The following LGR4 variants were observed in gnomAD, a reference collection of about 807,000 sequenced individuals.
LGR4 encodes leucine rich repeat containing G protein-coupled receptor 4, also known as leucine-rich repeat-containing G protein-coupled receptor 4.
Under a neutral mutation model 84.8 loss-of-function variants are expected in LGR4, and 44 were observed. The ratio of observed to expected loss-of-function variants is 0.52; its 90% confidence interval spans 0.41 to 0.67. The LOEUF (loss-of-function observed/expected upper bound fraction) is 0.67. LGR4 is among the 30% of genes least tolerant of loss of function. The pLI, the probability that LGR4 is intolerant of heterozygous loss-of-function variation, is 0.00. For synonymous variants in LGR4, 429 were observed against 434.3 expected, an observed-to-expected ratio of 0.99 and a Z score of 0.15; for missense variants, 1,032 against 1,131.4, an observed-to-expected ratio of 0.91 and a Z score of 1.26.
At chr11:27,450,646 G>A (rs1864467191) in intron 1 of LGR4, among the ~76,000 whole-genome samples, 1 of 152,080 alleles carries the variant, frequency 6.6e-6, no homozygotes, top group African/African-American at 2.4e-5. Context: ...AAATTAGCTG[G>A]GGGTGGTGGC....
chr11:27,436,914 G>A (rs961200695), intron 1 of LGR4, among the ~76,000 whole-genome samples: 2 of 152,136 alleles, frequency 1.3e-5, no homozygotes, highest in East Asian at 3.9e-4. Context: ...ATAGGAGGGG[G>A]TGTTGAAGGG....
At chr11:27,369,847 A>T (rs1378895405) in intron 17 of LGR4, among the ~76,000 whole-genome samples, 1 of 152,206 alleles carries the variant, frequency 6.6e-6, no homozygotes, top group Non-Finnish European at 1.5e-5. Flanking sequence ...CCCATTTTTC[A>T]TCCAGAGAAA....
rs531242694 is a variant in LGR4 at position 27,464,804 on chromosome 11, C to A, written c.185+7314G>T. Among the ~76,000 whole-genome samples, 7 of 152,242 alleles carry A rather than the reference C, an allele frequency of 4.6e-5. No homozygotes were observed. In the South Asian group the frequency reaches 1.4e-3, roughly 32 times the overall value. ...TTTTTTCTGGATATCGGGTTCTACA[C>A]TCTGATTCAAATACCAAAAGTACTT... On this transcript the variant is annotated intron_variant, in intron 1 of 17. Transcript: ENST00000379214.
rs149638779 is a variant in LGR4 at position 27,398,049 on chromosome 11, A to G, written c.258-5531T>C. Among the ~76,000 whole-genome samples the G allele has an allele frequency of 7.3e-4, 111 of 152,328 alleles. 1 individual carries two copies. Among genetic ancestry groups the G allele is most frequent in the African/African-American group, 1.3e-3 (54 of 41,574 alleles). ...GTCTCTATGAATCTCTTTTGTGTGC[A>G]TTTATTATTCATAAAGACCATGGAT... On this transcript the variant is annotated intron_variant, in intron 2 of 17. Coordinates refer to ENST00000379214, the MANE Select transcript of LGR4 (RefSeq NM_018490.5).
At chr11:27,451,503 T>C (rs1864480124) in intron 1 of LGR4, among the ~76,000 whole-genome samples, 1 of 152,232 alleles carries the variant, frequency 6.6e-6, no homozygotes, top group Admixed American at 6.5e-5. Context: ...AGTCTTTGCA[T>C]GCTAAATCAC....
intron 16 of LGR4, 127 bp downstream of exon 16, chr11:27,372,156 C>T: frequency 1.4e-6 from 1 of 692,346 alleles, no homozygotes; most frequent in South Asian, 1.7e-5. Context: ...TGAGCCATCA[C>T]ACCTGGCCAG....
intron 4 of LGR4, among the ~76,000 whole-genome samples, chr11:27,387,595 G>C (rs1303548602): frequency 2.6e-5 from 4 of 152,116 alleles, no homozygotes; most frequent in African/African-American, 4.8e-5. Flanking sequence ...AGAAGGTTAA[G>C]AGTGATTAAA....
intron 4 of LGR4, among the ~76,000 whole-genome samples, chr11:27,385,815 C>CAA (rs66507121): frequency 0.49 from 72,001 of 146,766 alleles, 18,294 homozygotes; most frequent in Admixed American, 0.63. Context: ...ATCAGGCATA[C>CAA]AAAAAAAAAA....
intron 1 of LGR4, among the ~76,000 whole-genome samples, chr11:27,449,443 A>G (rs1023014415): frequency 6.6e-6 from 1 of 152,042 alleles, no homozygotes; most frequent in Admixed American, 6.6e-5. Context: ...TTAGCCAGGT[A>G]TGGTGGCCTG....
chr11:27,470,059 TC>T (rs1449452435), intron 1 of LGR4, among the ~76,000 whole-genome samples: 1 of 151,880 alleles, frequency 6.6e-6, no homozygotes, highest in Non-Finnish European at 1.5e-5. Context: ...AAATAAGGAG[TC>T]ACCAGAATGT....
chr11:27,466,284 A>G (rs937134993), intron 1 of LGR4, among the ~76,000 whole-genome samples: 4 of 152,360 alleles, frequency 2.6e-5, no homozygotes, highest in Admixed American at 1.3e-4. Flanking sequence ...CAGTCTTAAA[A>G]ATATTTCCAT....
At chr11:27,412,411 A>AT (rs1863728411) in intron 2 of LGR4, among the ~76,000 whole-genome samples, 1 of 152,060 alleles carries the variant, frequency 6.6e-6, no homozygotes, top group Non-Finnish European at 1.5e-5. Flanking sequence ...ACCTTGTGTT[A>AT]TTTTTTGTGG....
chr11:27,467,150 A>G (rs1864790602), intron 1 of LGR4, among the ~76,000 whole-genome samples: 1 of 152,102 alleles, frequency 6.6e-6, no homozygotes, highest in African/African-American at 2.4e-5. Context: ...TGAGTTCCCC[A>G]TGCAATGGAA....
chr11:27,461,864 G>A (rs1864689319), intron 1 of LGR4, among the ~76,000 whole-genome samples: 3 of 73,656 alleles, frequency 4.1e-5, no homozygotes, highest in Non-Finnish European at 8.2e-5. Context: ...TTTTTTTTGA[G>A]GTGGAGTCTC....
At chr11:27,385,762 C>G (rs1040379620) in intron 4 of LGR4, among the ~76,000 whole-genome samples, 8 of 150,608 alleles carry the variant, frequency 5.3e-5, no homozygotes, top group Non-Finnish European at 1.5e-5. Context: ...TTTTTAAAAA[C>G]ACTTGCAAAG....
intron 1 of LGR4, among the ~76,000 whole-genome samples, chr11:27,444,739 G>C (rs929824292): frequency 4.6e-5 from 7 of 152,104 alleles, no homozygotes; most frequent in African/African-American, 9.7e-5. Flanking sequence ...TTAAATAAAG[G>C]CTGTTGTGTT....
intron 1 of LGR4, among the ~76,000 whole-genome samples, chr11:27,440,572 G>T (rs1864289261): frequency 6.6e-6 from 1 of 152,110 alleles, no homozygotes; most frequent in East Asian, 1.9e-4. Context: ...ATGTAGTTTT[G>T]CATACTTACA....
intron 1 of LGR4, among the ~76,000 whole-genome samples, chr11:27,447,448 C>G (rs1284276457): frequency 6.6e-6 from 1 of 152,052 alleles, no homozygotes; most frequent in African/African-American, 2.4e-5. Context: ...AATGTCATGG[C>G]GATGTCCAGA....
At chr11:27,449,725 T>C (rs987100835) in intron 1 of LGR4, among the ~76,000 whole-genome samples, 1 of 152,200 alleles carries the variant, frequency 6.6e-6, no homozygotes, top group Non-Finnish European at 1.5e-5. Context: ...AAAAATTCTG[T>C]AGGAGATACC....
Sources: allele counts gnomAD v4.1 joint callset (sites outside exome capture counted in the v4.1 genomes callset), GRCh38; gene constraint gnomAD v4.1.1; transcripts MANE v1.5; gene names NCBI Gene and HGNC (gene_info 2026-07-23, HGNC 2026-07-21).